The following NUP37 variants were observed in gnomAD, a reference collection of about 807,000 sequenced individuals.
The protein encoded by NUP37 is nucleoporin 37, also known as nucleoporin Nup37.
In NUP37, 33 loss-of-function variants were observed where a neutral mutation model predicts 45.4. The observed-to-expected ratio is 0.73, with a 90% CI of 0.55 to 0.97. The LOEUF (loss-of-function observed/expected upper bound fraction) is 0.97. Among genes scored for constraint, NUP37 ranks in the 50% least tolerant of loss-of-function variants. NUP37 has a pLI of 0.00. For missense variants in NUP37, 365 were observed against 389.7 expected, an observed-to-expected ratio of 0.94 and a Z score of 0.53; for synonymous variants, 127 against 130.7, an observed-to-expected ratio of 0.97 and a Z score of 0.19.
chr12:102,106,148 C>G (rs1304212557), intron 3 of NUP37, among the ~76,000 whole-genome samples: 1 of 152,098 alleles, frequency 6.6e-6, no homozygotes, highest in Non-Finnish European at 1.5e-5. Flanking sequence ...AGAAAACAGG[C>G]ATGGAATGGA....
At chr12:102,090,795 A>T (rs1484431522) in intron 5 of NUP37, among the ~76,000 whole-genome samples, 2 of 152,218 alleles carry the variant, frequency 1.3e-5, no homozygotes, top group Non-Finnish European at 2.9e-5. Flanking sequence ...AACCTAAGAA[A>T]AAAAAGCACT....
At chr12:102,116,608 C>G (rs752090005) in intron 2 of NUP37, among the ~76,000 whole-genome samples, 41 of 152,216 alleles carry the variant, frequency 2.7e-4, no homozygotes, top group Non-Finnish European at 5.7e-4. Flanking sequence ...ACTTTCAATT[C>G]ACACTTCCTC....
At chr12:102,118,973 C>T (rs1880593816) in intron 1 of NUP37, 1 of 153,554 alleles carries the variant, frequency 6.5e-6, no homozygotes, top group Non-Finnish European at 1.4e-5. Flanking sequence ...GGTATCTGTA[C>T]AAATCTAAAG....
intron 7 of NUP37, chr12:102,077,103 G>T (rs898041809): frequency 3.2e-6 from 2 of 620,310 alleles, no homozygotes; most frequent in East Asian, 2.7e-5. Flanking sequence ...ACAGATCCAA[G>T]ATTTCCTCTT....
At chr12:102,115,734 T>C in intron 2 of NUP37, 1 of 670,008 alleles carries the variant, frequency 1.5e-6, no homozygotes, top group African/African-American at 2.0e-5. Context: ...TCTACAACGT[T>C]TTCTAAACAG....
rs1293106801 is a variant in NUP37 at position 102,075,050 on chromosome 12, G to A, written c.818C>T (p.Pro273Leu). 3 of 1,610,490 alleles carry A rather than the reference G, an allele frequency of 1.9e-6. No homozygotes were observed. In the African/African-American group the frequency reaches 4.0e-5, roughly 22 times the overall value. Reference protein sequence around the residue: ...SENLFATTGYPGKMASQFQIH... With the variant: ...SENLFATTGYLGKMASQFQIH... ...TTGAAACTGGCTTGCCATTTTGCCA[G>A]GATAACCAGTGGTTGCAAACAGATT... Residue 273 changes from proline to leucine, a missense_variant, in exon 9 of 10, where the codon CCT becomes CTT. Pro to Leu is a moderately conservative substitution (Grantham distance 98). Coordinates refer to ENST00000552283, the MANE Select transcript of NUP37 (RefSeq NM_024057.4).
intron 6 of NUP37, among the ~76,000 whole-genome samples, chr12:102,081,451 T>C (rs1332281808): frequency 1.3e-5 from 2 of 152,234 alleles, no homozygotes; most frequent in Non-Finnish European, 2.9e-5. Context: ...GCACTGTGAA[T>C]TTCCAAGGTG....
intron 5 of NUP37, among the ~76,000 whole-genome samples, chr12:102,098,351 T>C (rs1026376626): frequency 6.6e-6 from 1 of 152,236 alleles, no homozygotes; most frequent in African/African-American, 2.4e-5. Context: ...AAAGAAAACC[T>C]TATGCAGAAA....
chr12:102,087,146 T>C (rs908594229), intron 5 of NUP37, among the ~76,000 whole-genome samples: 1 of 152,150 alleles, frequency 6.6e-6, no homozygotes, highest in Non-Finnish European at 1.5e-5. Flanking sequence ...AATTCATTCA[T>C]TGGAATTTTT....
chr12:102,113,202 G>C (rs1244653502), intron 2 of NUP37, among the ~76,000 whole-genome samples: 1 of 152,220 alleles, frequency 6.6e-6, no homozygotes, highest in African/African-American at 2.4e-5. Context: ...ATGATTTAAA[G>C]CTTCAGTTTG....
chr12:102,105,974 A>G (rs142857083), intron 3 of NUP37, among the ~76,000 whole-genome samples: 99 of 152,258 alleles, frequency 6.5e-4, no homozygotes, highest in Non-Finnish European at 1.1e-3. Flanking sequence ...TGATTAAATT[A>G]AAGGATACTA....
At position 102,112,222 on chromosome 12, in the gene NUP37, G is replaced by GCTT. The variant is rs1880338420; in HGVS notation, c.164_166dup (p.Glu55dup). 1 of 1,611,652 alleles carries GCTT rather than the reference G, an allele frequency of 6.2e-7. No individual in the cohort carries two copies. Among genetic ancestry groups the GCTT allele is most frequent in the Non-Finnish European group, 8.5e-7 (1 of 1,178,304 alleles). ...TTTATACTGAATGCCTTCAACGTCT[G>GCTT]CTTCTTCTTCCTAAGCATACACAGT... On this transcript the variant is annotated inframe_insertion, in exon 3 of 10. Coordinates refer to ENST00000552283, the MANE Select transcript of NUP37 (RefSeq NM_024057.4).
chr12:102,119,495 CAT>C (rs781015586), intron 1 of NUP37: 1 of 152,200 alleles, frequency 6.6e-6, no homozygotes, highest in African/African-American at 2.4e-5. Context: ...AGCATTCCCA[CAT>C]GAGAATTATG....
chr12:102,097,196 G>A (rs1370856650), intron 5 of NUP37, among the ~76,000 whole-genome samples: 1 of 151,908 alleles, frequency 6.6e-6, no homozygotes, highest in Non-Finnish European at 1.5e-5. Flanking sequence ...ATGCTACATT[G>A]GCCTAAACAA....
intron 6 of NUP37, among the ~76,000 whole-genome samples, chr12:102,078,052 G>C (rs1442813057): frequency 6.6e-6 from 1 of 152,080 alleles, no homozygotes; most frequent in Non-Finnish European, 1.5e-5. Flanking sequence ...ATTTGGCCGG[G>C]TGTGGTGGCT....
At chr12:102,075,888 TTTTG>T (rs1363417111) in intron 8 of NUP37, among the ~76,000 whole-genome samples, 1 of 152,164 alleles carries the variant, frequency 6.6e-6, no homozygotes, top group Non-Finnish European at 1.5e-5. Flanking sequence ...ACTTTTTTTT[TTTTG>T]TTTAATTGTT....
Position 102,074,149 on chromosome 12 carries a change from A to AAT in NUP37, c.*203_*204dup, listed in dbSNP as rs199559131. The AAT allele has an allele frequency of 1.0e-3, 310 of 298,092 alleles. No individual in the cohort carries two copies. Among genetic ancestry groups the AAT allele is most frequent in the Non-Finnish European group, 1.6e-3 (257 of 165,382 alleles). The allele number at this position is 298,092 out of a possible 1,614,324, so 18.5% of individuals were successfully genotyped here. ...GTCAATATGATTTTGTAAGATTAAA[A>AAT]ATATATATATATACACACACAGAGA... is the stretch of plus-strand genomic sequence containing the variant. On this transcript the variant is annotated 3_prime_UTR_variant, in exon 10 of 10. Coordinates refer to ENST00000552283, the MANE Select transcript of NUP37 (RefSeq NM_024057.4).
chr12:102,109,982 T>C (rs539526492), intron 3 of NUP37, among the ~76,000 whole-genome samples: 1 of 152,360 alleles, frequency 6.6e-6, no homozygotes, highest in Non-Finnish European at 1.5e-5. Context: ...GCACACCAGC[T>C]GTTGGCAATG....
intron 3 of NUP37, among the ~76,000 whole-genome samples, chr12:102,105,893 A>C (rs917637844): frequency 6.6e-6 from 1 of 151,922 alleles, no homozygotes; most frequent in Admixed American, 6.6e-5. Flanking sequence ...TGTCCTCAAA[A>C]AGATAAGTCT....
Sources: allele counts gnomAD v4.1 joint callset (sites outside exome capture counted in the v4.1 genomes callset), GRCh38; gene constraint gnomAD v4.1.1; transcripts MANE v1.5; gene names NCBI Gene and HGNC (gene_info 2026-07-23, HGNC 2026-07-21).